Variants in TEAD1 observed in about 807,000 individuals in gnomAD.
TEAD1 encodes transcriptional enhancer factor TEF-1.
A neutral mutation model predicts 54.9 loss-of-function variants in TEAD1; 9 were observed. The ratio of observed to expected loss-of-function variants is 0.16; its 90% CI spans 0.10 to 0.29. TEAD1 has a LOEUF of 0.29. Among genes scored for constraint, TEAD1 ranks in the 10% least tolerant of loss-of-function variants. TEAD1 has a pLI of 1.00. For missense variants in TEAD1, 387 were observed against 535.9 expected (o/e 0.72, Z 2.74); for synonymous variants, 200 against 187.8 (o/e 1.07, Z -0.53).
At chr11:12,758,471 C>T (rs111604568) in intron 2 of TEAD1, among the ~76,000 whole-genome samples, 8,173 of 140,552 alleles carry the variant, frequency 0.058, 810 homozygotes, top group African/African-American at 0.21. Flanking sequence ...AGTGCAGTGG[C>T]GCAATCTCAG....
intron 3 of TEAD1, among the ~76,000 whole-genome samples, chr11:12,831,170 G>A (rs1181003909): frequency 6.6e-6 from 1 of 152,120 alleles, no homozygotes; most frequent in Non-Finnish European, 1.5e-5. Flanking sequence ...CCTCCTCCAG[G>A]AAGCCTTCCT....
At chr11:12,899,878 A>C (rs1008389855) in intron 9 of TEAD1, among the ~76,000 whole-genome samples, 2 of 152,310 alleles carry the variant, frequency 1.3e-5, no homozygotes, top group East Asian at 1.9e-4. Context: ...ACTGCCCCTT[A>C]TATGCAACAC....
intron 3 of TEAD1, among the ~76,000 whole-genome samples, chr11:12,779,145 G>A (rs915008232): frequency 1.3e-5 from 2 of 152,054 alleles, no homozygotes; most frequent in Non-Finnish European, 2.9e-5. Flanking sequence ...TTTTCAGATC[G>A]ACTGTGGGTT....
intron 3 of TEAD1, among the ~76,000 whole-genome samples, chr11:12,860,517 G>T (rs1947478594): frequency 6.6e-6 from 1 of 152,190 alleles, no homozygotes; most frequent in Admixed American, 6.5e-5. Context: ...TCTCAGACAA[G>T]ATTTCCCTAA....
chr11:12,791,795 G>T lies in TEAD1; in HGVS notation c.202+27361G>T, dbSNP rs530684772. Among the ~76,000 whole-genome samples the T allele has an allele frequency of 8.1e-4, 123 of 152,270 alleles. 4 individuals are homozygous for T. The South Asian group carries it at 0.024, about 30-fold the overall frequency. On this transcript the variant is annotated intron_variant, in intron 3 of 12. Coordinates refer to ENST00000527636, the MANE Select transcript of TEAD1 (RefSeq NM_021961.6). ...AAAATGCATCCTTAATTAATAGGCA[G>T]AATAAAGCTAGGTGGCCATAGGAAG...
chr11:12,901,685 T>C (rs1044760395), intron 9 of TEAD1, among the ~76,000 whole-genome samples: 1 of 152,214 alleles, frequency 6.6e-6, no homozygotes, highest in African/African-American at 2.4e-5. Context: ...CTGTTGTTAT[T>C]AATGTGTCCG....
At chr11:12,727,567 G>A (rs1390134851) in intron 2 of TEAD1, among the ~76,000 whole-genome samples, 1 of 152,166 alleles carries the variant, frequency 6.6e-6, no homozygotes, top group Non-Finnish European at 1.5e-5. Flanking sequence ...GTGATCCATG[G>A]TTCTCTTTGT....
chr11:12,695,827 G>T lies in TEAD1; in HGVS notation c.-55+20266G>T, dbSNP rs116822647. Among the ~76,000 whole-genome samples, 294 of 152,290 alleles carry T rather than the reference G, an allele frequency of 1.9e-3. 1 individual carries two copies. Among genetic ancestry groups the T allele is most frequent in the African/African-American group, 6.3e-3 (262 of 41,542 alleles). On this transcript the variant is annotated intron_variant, in intron 2 of 12. Coordinates refer to ENST00000527636, the MANE Select transcript of TEAD1 (RefSeq NM_021961.6). ...GCCCCAGAAGGCTTGAGTTCTGTTT[G>T]TGTGTTGTGTGAGTTTCTACTGTGC... is the stretch of plus-strand genomic sequence containing the variant.
intron 5 of TEAD1, among the ~76,000 whole-genome samples, chr11:12,868,414 T>C (rs922517690): frequency 1.3e-5 from 2 of 152,144 alleles, no homozygotes; most frequent in African/African-American, 2.4e-5. Flanking sequence ...AAAGCCCATG[T>C]TTTTAAATTC....
At chr11:12,931,834 A>G (rs1233523609) in intron 12 of TEAD1, among the ~76,000 whole-genome samples, 1 of 152,210 alleles carries the variant, frequency 6.6e-6, no homozygotes, top group African/African-American at 2.4e-5. Flanking sequence ...AGATTCATCC[A>G]GGAAGGTTTA....
intron 3 of TEAD1, among the ~76,000 whole-genome samples, chr11:12,840,127 G>A (rs1946994353): frequency 6.6e-6 from 1 of 151,698 alleles, no homozygotes; most frequent in African/African-American, 2.4e-5. Flanking sequence ...GGCGCCTGTA[G>A]TCCCAGCTAC....
chr11:12,895,401 C>T (rs1948293470), intron 9 of TEAD1, among the ~76,000 whole-genome samples: 2 of 152,192 alleles, frequency 1.3e-5, no homozygotes, highest in Admixed American at 1.3e-4. Context: ...CATCCTTGAT[C>T]CAGGTAGGGT....
intron 7 of TEAD1, 40 bp downstream of exon 7, chr11:12,881,091 G>A: frequency 1.2e-6 from 2 of 1,610,710 alleles, no homozygotes; most frequent in Non-Finnish European, 1.7e-6. Context: ...ACTACGGGCT[G>A]GTCCCAGCCC....
At chr11:12,927,336 G>A (rs900736234) in intron 11 of TEAD1, among the ~76,000 whole-genome samples, 4 of 152,118 alleles carry the variant, frequency 2.6e-5, no homozygotes, top group African/African-American at 9.7e-5. Context: ...AAACAGATCT[G>A]TCCCCTTTAA....
At chr11:12,934,053 T>C (rs1416430667) in intron 12 of TEAD1, among the ~76,000 whole-genome samples, 2 of 152,142 alleles carry the variant, frequency 1.3e-5, no homozygotes, top group Non-Finnish European at 2.9e-5. Flanking sequence ...ACCCAAAGGA[T>C]TATAAATCAT....
At chr11:12,902,676 T>G (rs1948445917) in intron 10 of TEAD1, among the ~76,000 whole-genome samples, 1 of 152,150 alleles carries the variant, frequency 6.6e-6, no homozygotes, top group South Asian at 2.1e-4. Context: ...GAGTTTATGA[T>G]TCCTCAGCCT....
chr11:12,763,139 T>C (rs544259659), intron 2 of TEAD1, among the ~76,000 whole-genome samples: 2 of 152,336 alleles, frequency 1.3e-5, no homozygotes, highest in South Asian at 2.1e-4. Context: ...CATTTTCACA[T>C]TGACGTTATG....
intron 3 of TEAD1, among the ~76,000 whole-genome samples, chr11:12,861,149 C>T (rs564365936): frequency 4.7e-4 from 72 of 152,304 alleles, no homozygotes; most frequent in African/African-American, 1.7e-3. Flanking sequence ...AAGTTGAAGT[C>T]GTAAATAGGA....
chr11:12,816,214 C>T (rs1946411440), intron 3 of TEAD1, among the ~76,000 whole-genome samples: 1 of 152,174 alleles, frequency 6.6e-6, no homozygotes, highest in Admixed American at 6.5e-5. Context: ...CACTTTGAGG[C>T]TGGATGAAGT....
Sources: gnomAD v4.1 joint callset for allele counts (sites outside exome capture counted in the v4.1 genomes callset) on GRCh38, gnomAD v4.1.1 for gene constraint, MANE v1.5 for transcripts, NCBI Gene and HGNC (gene_info 2026-07-23, HGNC 2026-07-21) for gene names.